CSMD2: variants seen among roughly 807,000 people sequenced by gnomAD.
The protein encoded by CSMD2 is CUB and sushi domain-containing protein 2.
Under a neutral mutation model 398.5 loss-of-function variants are expected in CSMD2, and 130 were observed. That is an observed-to-expected ratio of 0.33 (90% CI 0.28 to 0.38). CSMD2 has a LOEUF of 0.38. CSMD2 is among the 10% of genes least tolerant of loss of function. CSMD2 has a pLI of 1.00. For missense variants in CSMD2, 3,829 were observed against 4,764.9 expected, an observed-to-expected ratio of 0.80 and a Z score of 5.78; for synonymous variants, 1,828 against 1,908.5, an observed-to-expected ratio of 0.96 and a Z score of 1.10.
intron 13 of CSMD2, among the ~76,000 whole-genome samples, chr1:33,765,695 T>C (rs1008146299): frequency 1.3e-5 from 2 of 152,204 alleles, no homozygotes; most frequent in African/African-American, 4.8e-5. Flanking sequence ...CTTGTTTATA[T>C]AGAAATGTAA....
intron 5 of CSMD2, among the ~76,000 whole-genome samples, chr1:33,907,466 G>A (rs923822311): frequency 6.6e-6 from 1 of 152,078 alleles, no homozygotes; most frequent in Non-Finnish European, 1.5e-5. Context: ...TCAGGAGGAG[G>A]CTGGAGGGTT....
chr1:33,527,229 T>C lies in CSMD2; in HGVS notation c.10201A>G (p.Thr3401Ala), dbSNP rs1371958725. ...EVRPSGRPIN[T>A]AREPPLTQAL... ...TGGGTGAGCGGTGGCTCCCGGGCAG[T>C]GTTGATGGGTCTCCCACTGGGCCGG... Residue 3401 changes from threonine (T) to alanine (A), a missense_variant, in exon 65 of 71, where the codon ACT (threonine) becomes GCT (alanine). Coordinates refer to ENST00000373381, the MANE Select transcript of CSMD2 (RefSeq NM_001281956.2). 1.2e-6 allele frequency: 2 copies of C among 1,614,090 alleles called. No individual in the cohort carries two copies. The highest frequency in any genetic ancestry group is 4.5e-5 in the East Asian group (2 of 44,870).
At chr1:33,584,371 C>T (rs1206446953) in intron 46 of CSMD2, among the ~76,000 whole-genome samples, 1 of 152,118 alleles carries the variant, frequency 6.6e-6, no homozygotes, top group Non-Finnish European at 1.5e-5. Context: ...CTGTTGTGAG[C>T]ATTATATAAA....
Position 33,726,570 on chromosome 1 carries a change from G to A in CSMD2, c.2484C>T (p.Tyr828=), listed in dbSNP as rs1026786803. The A allele has an allele frequency of 3.1e-6, 5 of 1,611,982 alleles. No homozygotes were observed. Among genetic ancestry groups the A allele is most frequent in the Middle Eastern group, 1.6e-4 (1 of 6,072 alleles). ...CAWVIEAQPG[Y]PIKITFDRFK... ...ACCTGTCGAAGGTGATTTTGATGGG[G>A]TAGCCTGGCTGGGCCTCAATCACCC... is the stretch of plus-strand genomic sequence containing the variant. The change falls in exon 16 of 71, where the codon TAC becomes TAT. Residue 828 remains tyrosine (Y), a synonymous_variant. Transcript: ENST00000373381.
chr1:33,568,015 C>T (rs1251792565), intron 52 of CSMD2, among the ~76,000 whole-genome samples, 174 bp from the exon 53 acceptor site: 1 of 152,090 alleles, frequency 6.6e-6, no homozygotes, highest in African/African-American at 2.4e-5. Flanking sequence ...TGGCCACTCA[C>T]TTCTGAGCTT....
chr1:33,610,092 T>C (rs950650315), intron 41 of CSMD2, among the ~76,000 whole-genome samples: 12 of 152,346 alleles, frequency 7.9e-5, no homozygotes, highest in African/African-American at 2.2e-4. Context: ...GCTGGCACTG[T>C]GATCTTGGAC....
chr1:34,045,898 AG>A (rs1652468011), intron 2 of CSMD2, among the ~76,000 whole-genome samples: 1 of 152,246 alleles, frequency 6.6e-6, no homozygotes, highest in Admixed American at 6.5e-5. Flanking sequence ...ATATGATGTT[AG>A]TAGGTTTGCC....
intron 32 of CSMD2, among the ~76,000 whole-genome samples, chr1:33,629,804 G>A (rs1053220267): frequency 2.0e-5 from 3 of 151,650 alleles, no homozygotes; most frequent in South Asian, 2.1e-4. Flanking sequence ...GTGCAATGGC[G>A]CGATCTTGGC....
At chr1:34,100,302 C>A (rs1295264998) in intron 1 of CSMD2, among the ~76,000 whole-genome samples, 1 of 152,148 alleles carries the variant, frequency 6.6e-6, no homozygotes, top group East Asian at 1.9e-4. Flanking sequence ...CCGAAGTTAA[C>A]AGCCAGGTAT....
intron 66 of CSMD2, among the ~76,000 whole-genome samples, chr1:33,524,087 T>C (rs1654556382): frequency 6.6e-6 from 1 of 152,256 alleles, no homozygotes; most frequent in Non-Finnish European, 1.5e-5. Context: ...AAATTATTCC[T>C]GTTTTCTTTC....
intron 2 of CSMD2, among the ~76,000 whole-genome samples, chr1:34,038,503 T>A (rs1449098512): frequency 2.6e-5 from 4 of 152,226 alleles, no homozygotes; most frequent in Non-Finnish European, 2.9e-5. Context: ...TTTGCCTTCC[T>A]GCCAAAAGTA....
chr1:33,795,533 G>A lies in CSMD2; in HGVS notation c.1447-3007C>T, dbSNP rs6666202. ...TGAAGTCCTGGGCATTCACACCAGGGCAGCCTATTCATGACCCTGACTTAC... is the reference window on the plus strand; with the variant it reads ...TGAAGTCCTGGGCATTCACACCAGGACAGCCTATTCATGACCCTGACTTAC... On this transcript the variant is annotated intron_variant, in intron 10 of 70. Transcript: ENST00000373381. Among the ~76,000 whole-genome samples the A allele has an allele frequency of 3.9e-3, 600 of 152,306 alleles. 2 individuals carry two copies. The highest frequency in any genetic ancestry group is 0.014 in the African/African-American group (565 of 41,568).
At chr1:33,552,742 G>A (rs1032897089) in intron 55 of CSMD2, among the ~76,000 whole-genome samples, 5 of 152,156 alleles carry the variant, frequency 3.3e-5, no homozygotes, top group African/African-American at 1.2e-4. Flanking sequence ...AATCCACAGA[G>A]ACAGAAAAGT....
At chr1:33,907,048 G>C (rs1029617859) in intron 5 of CSMD2, among the ~76,000 whole-genome samples, 1 of 152,056 alleles carries the variant, frequency 6.6e-6, no homozygotes, top group Non-Finnish European at 1.5e-5. Context: ...ACGCCTTCTG[G>C]CATTGGTAAT....
chr1:33,673,225 C>T (rs542366958), intron 25 of CSMD2, among the ~76,000 whole-genome samples: 8 of 152,234 alleles, frequency 5.3e-5, no homozygotes, highest in East Asian at 1.9e-4. Flanking sequence ...AAAAATTAGA[C>T]GAATGGCTAA....
At chr1:33,718,830 G>A (rs1018899317) in intron 19 of CSMD2, among the ~76,000 whole-genome samples, 1 of 152,216 alleles carries the variant, frequency 6.6e-6, no homozygotes, top group Non-Finnish European at 1.5e-5. Flanking sequence ...CATCTCTGTT[G>A]ATAGAGGCTG....
intron 22 of CSMD2, among the ~76,000 whole-genome samples, chr1:33,703,707 G>T (rs531610785): frequency 1.3e-5 from 2 of 152,302 alleles, no homozygotes; most frequent in East Asian, 3.9e-4. Context: ...GCATGGAAAA[G>T]CTGGTTGTGG....
chr1:33,772,390 A>C, intron 13 of CSMD2, 179 bp downstream of exon 13: 1 of 585,778 alleles, frequency 1.7e-6, no homozygotes, highest in Non-Finnish European at 3.0e-6. Flanking sequence ...TACAGTCGAC[A>C]TTCCTGCCAG....
In CSMD2 at chr1:33,700,586, T is replaced by C. The variant is rs1189406674; in HGVS notation, c.3664A>G (p.Ser1222Gly). 1.2e-6 allele frequency: 2 copies of C among 1,614,206 alleles called. No individual in the cohort carries two copies. The highest frequency in any genetic ancestry group is 2.2e-5 in the South Asian group (2 of 91,086). ...GTGATGAAATCAAGCCACAGACTGC[T>C]GGATGTGCTGTTCAAAGTCACCCCC... ...MMGVTLNSTS[S>G]SLWLDFITDA... Residue 1222 changes from serine (S) to glycine (G), a missense_variant, in exon 23 of 71, where the codon AGC becomes GGC. Transcript: ENST00000373381.
Sources: gnomAD v4.1 joint callset for allele counts (sites outside exome capture counted in the v4.1 genomes callset) on GRCh38, gnomAD v4.1.1 for gene constraint, MANE v1.5 for transcripts, NCBI Gene and HGNC (gene_info 2026-07-23, HGNC 2026-07-21) for gene names.